KCNJ3: variants seen among roughly 807,000 people sequenced by gnomAD.
The protein encoded by KCNJ3 is G protein-activated inward rectifier potassium channel 1.
A neutral mutation model predicts 39.2 loss-of-function variants in KCNJ3; 4 were observed. The ratio of observed to expected loss-of-function variants is 0.10; its 90% CI spans 0.05 to 0.23. The LOEUF is 0.23. Among genes scored for constraint, KCNJ3 ranks in the 10% least tolerant of loss-of-function variants. The probability of loss-of-function intolerance (pLI) is 1.00; values close to 1 mark genes in which losing one functional copy is unlikely to be tolerated. For missense variants in KCNJ3, 276 were observed against 634.9 expected (o/e 0.43, Z 6.08); for synonymous variants, 230 against 237.4 (o/e 0.97, Z 0.29).
intron 2 of KCNJ3, among the ~76,000 whole-genome samples, chr2:154,783,113 G>A (rs1449586616): frequency 6.6e-6 from 1 of 152,144 alleles, no homozygotes; most frequent in Non-Finnish European, 1.5e-5. Context: ...GGGAGGCGGA[G>A]GTTGCGGTGG....
chr2:154,734,277 C>G (rs908179818), intron 2 of KCNJ3, among the ~76,000 whole-genome samples: 9 of 152,148 alleles, frequency 5.9e-5, no homozygotes, highest in African/African-American at 2.2e-4. Flanking sequence ...TAACTGCATT[C>G]TGGAGGAAAT....
In KCNJ3 at chr2:154,699,258, C is replaced by G; in HGVS notation, c.483C>G (p.Leu161=). The G allele has an allele frequency of 6.2e-7, 1 of 1,614,138 alleles. No individual in the cohort carries two copies. Among genetic ancestry groups the G allele is most frequent in the Non-Finnish European group, 8.5e-7 (1 of 1,180,046 alleles). The change falls in exon 1 of 3, where the codon CTC becomes CTG. Residue 161 remains leucine (L), a synonymous_variant. Transcript: ENST00000295101. This position sits in a 1 kb window ranked among gnomAD's most constrained non-coding sequence, Gnocchi z 6.4. ...ITDKCPEGII[L]FLFQSILGSI... Reference sequence around the variant, plus strand: ...ACAAGTGCCCCGAGGGCATCATCCTCTTCCTCTTCCAGTCCATCCTGGGCT... The same window carrying G: ...ACAAGTGCCCCGAGGGCATCATCCTGTTCCTCTTCCAGTCCATCCTGGGCT...
At chr2:154,778,835 T>A (rs1483986768) in intron 2 of KCNJ3, among the ~76,000 whole-genome samples, 1 of 152,094 alleles carries the variant, frequency 6.6e-6, no homozygotes, top group African/African-American at 2.4e-5. Context: ...TTCCCTCAGG[T>A]CTATGGGGAT....
intron 2 of KCNJ3, among the ~76,000 whole-genome samples, chr2:154,782,934 T>C (rs1369106723): frequency 1.3e-5 from 2 of 152,162 alleles, no homozygotes; most frequent in East Asian, 1.9e-4. Flanking sequence ...CCCAGTACTT[T>C]GGGAGGCCAA....
chr2:154,716,527 C>A (rs1278270948), intron 2 of KCNJ3, among the ~76,000 whole-genome samples: 3 of 151,970 alleles, frequency 2.0e-5, no homozygotes, highest in Non-Finnish European at 4.4e-5. Context: ...TAATATTGGT[C>A]ATTTGCTTGC....
intron 2 of KCNJ3, among the ~76,000 whole-genome samples, chr2:154,726,775 CACACATACATTTTATAT>C (rs1685364171): frequency 7.0e-6 from 1 of 143,372 alleles, no homozygotes; most frequent in African/African-American, 2.6e-5. Flanking sequence ...CACACACACA[CACACATACATTTTATAT>C]ACATACACAC....
chr2:154,808,876 A>C (rs1032074251), intron 2 of KCNJ3, among the ~76,000 whole-genome samples: 4 of 152,200 alleles, frequency 2.6e-5, no homozygotes, highest in Admixed American at 2.6e-4. Flanking sequence ...TTTTTAAAAG[A>C]CCATGCCAAT....
intron 2 of KCNJ3, among the ~76,000 whole-genome samples, chr2:154,732,368 C>T (rs1455432030): frequency 6.6e-6 from 1 of 152,068 alleles, no homozygotes; most frequent in Non-Finnish European, 1.5e-5. Flanking sequence ...TACTTCATGA[C>T]AGTCAATATT....
chr2:154,708,712 G>T (rs1266789705), intron 1 of KCNJ3, among the ~76,000 whole-genome samples: 1 of 152,078 alleles, frequency 6.6e-6, no homozygotes, highest in Non-Finnish European at 1.5e-5. Context: ...TACTCTCATG[G>T]TTTGCTAATT....
intron 2 of KCNJ3, among the ~76,000 whole-genome samples, chr2:154,723,447 A>G (rs1273442669): frequency 6.6e-6 from 1 of 152,188 alleles, no homozygotes; most frequent in Non-Finnish European, 1.5e-5. Flanking sequence ...AGAGAGCCAG[A>G]CTTTCACTTT....
chr2:154,732,734 C>T (rs935854641), intron 2 of KCNJ3, among the ~76,000 whole-genome samples: 10 of 152,086 alleles, frequency 6.6e-5, no homozygotes, highest in African/African-American at 1.2e-4. Flanking sequence ...ATCTTCTTTG[C>T]GTTGTTTTGC....
chr2:154,854,154 G>A (rs528049568), intron 2 of KCNJ3, among the ~76,000 whole-genome samples: 3 of 152,160 alleles, frequency 2.0e-5, no homozygotes, highest in South Asian at 4.1e-4. Context: ...AAAGGTAAGC[G>A]TCCATTAATT....
chr2:154,750,495 T>C (rs1685821343), intron 2 of KCNJ3, among the ~76,000 whole-genome samples: 1 of 152,026 alleles, frequency 6.6e-6, no homozygotes, highest in South Asian at 2.1e-4. Flanking sequence ...TTTCTATAAC[T>C]TCTATAAATT....
chr2:154,760,374 A>G (rs2921440), intron 2 of KCNJ3, among the ~76,000 whole-genome samples: 7,682 of 152,066 alleles, frequency 0.051, 378 homozygotes, highest in African/African-American at 0.13. Flanking sequence ...TGTTTTCTCT[A>G]AGTTTTGGGC....
chr2:154,830,875 T>TATC lies in KCNJ3; in HGVS notation c.920-23851_920-23849dup, dbSNP rs1687349562. Among the ~76,000 whole-genome samples the TATC allele has an allele frequency of 3.9e-5, 6 of 152,326 alleles. No individual in the cohort carries two copies. The South Asian group carries it at 1.2e-3, about 32-fold the overall frequency. ...AGGACATGATTTAATTTACTATTTT[T>TATC]ATCTTTCCTTTCTTACAAGAAGTAC... On this transcript the variant is annotated intron_variant, in intron 2 of 2. Coordinates refer to ENST00000295101, the MANE Select transcript of KCNJ3 (RefSeq NM_002239.4).
chr2:154,855,472 G>C lies in KCNJ3; in HGVS notation c.*159G>C, dbSNP rs1687821164. 1.7e-6 allele frequency: 1 copy of C among 593,784 alleles called. No homozygotes were observed. The highest frequency in any genetic ancestry group is 1.9e-5 in the African/African-American group (1 of 53,758). 36.8% of individuals were successfully genotyped at this position (593,784 alleles called of 1,614,324 possible). ...CTTTCCCAAGTATTGCGAATGTGCA[G>C]AAAGCAACAGTTACGGAGGGAGGAC... On this transcript the variant is annotated 3_prime_UTR_variant, in exon 3 of 3. Transcript: ENST00000295101.
At chr2:154,810,083 C>G (rs1029022504) in intron 2 of KCNJ3, among the ~76,000 whole-genome samples, 1 of 152,036 alleles carries the variant, frequency 6.6e-6, no homozygotes, top group African/African-American at 2.4e-5. Context: ...TTCTCTCTCT[C>G]TCTCTGCCTA....
chr2:154,728,849 G>A (rs1397947053), intron 2 of KCNJ3, among the ~76,000 whole-genome samples: 3 of 151,836 alleles, frequency 2.0e-5, no homozygotes, highest in East Asian at 1.9e-4. Context: ...AAATTATACC[G>A]GTCTTATTTT....
At chr2:154,732,675 C>G (rs1169281896) in intron 2 of KCNJ3, among the ~76,000 whole-genome samples, 2 of 152,126 alleles carry the variant, frequency 1.3e-5, no homozygotes, top group African/African-American at 2.4e-5. Context: ...TTTACTCACA[C>G]CATCTCCATG....
Sources: gnomAD v4.1 joint callset for allele counts (sites outside exome capture counted in the v4.1 genomes callset) on GRCh38, gnomAD v4.1.1 for gene constraint, Gnocchi (gnomAD v3.1) non-coding constraint, MANE v1.5 for transcripts, NCBI Gene and HGNC (gene_info 2026-07-23, HGNC 2026-07-21) for gene names.